SNED1: variants seen among roughly 807,000 people sequenced by gnomAD.
The protein encoded by SNED1 is sushi, nidogen and EGF like domains 1.
SNED1 carries 81 observed loss-of-function variants against 166.7 expected under a neutral mutation model. The ratio of observed to expected loss-of-function variants is 0.49; its 90% CI spans 0.41 to 0.58. SNED1 has a LOEUF of 0.58. Ranked by LOEUF, SNED1 falls within the 20% of genes least tolerant of loss-of-function variation. The probability of loss-of-function intolerance (pLI) is 0.00; values close to 1 mark genes in which losing one functional copy is unlikely to be tolerated. For synonymous variants in SNED1, 762 were observed against 822.0 expected (o/e 0.93, Z 1.25); for missense variants, 1,604 against 2,000.2 (o/e 0.80, Z 3.78).
intron 1 of SNED1, among the ~76,000 whole-genome samples, chr2:241,002,217 G>A (rs933927744): frequency 2.7e-4 from 41 of 152,204 alleles, no homozygotes; most frequent in Middle Eastern, 3.4e-3. Context: ...TTGTGTGGTC[G>A]CCAGCTCCAA....
At chr2:241,078,111 G>T (rs13427392) in intron 27 of SNED1, among the ~76,000 whole-genome samples, 1 of 152,108 alleles carries the variant, frequency 6.6e-6, no homozygotes, top group Non-Finnish European at 1.5e-5. Flanking sequence ...GTGGCCGGGC[G>T]CGGTGGCTCA....
chr2:241,037,478 A>G (rs2061410628), intron 6 of SNED1, 125 bp downstream of exon 6: 2 of 674,392 alleles, frequency 3.0e-6, no homozygotes, highest in Non-Finnish European at 5.1e-6. Context: ...GACAGCCCAG[A>G]GAAGCCACCC....
At chr2:241,039,047 G>A (rs542573490) in intron 6 of SNED1, among the ~76,000 whole-genome samples, 1 of 152,310 alleles carries the variant, frequency 6.6e-6, no homozygotes, top group South Asian at 2.1e-4. Flanking sequence ...CTCGGACCGT[G>A]AGCCTTCACT....
At chr2:241,021,151 C>T (rs1311927752) in intron 1 of SNED1, among the ~76,000 whole-genome samples, 4 of 152,144 alleles carry the variant, frequency 2.6e-5, no homozygotes, top group Non-Finnish European at 5.9e-5. Context: ...TAGAGAGTGT[C>T]GCAGAACTGC....
rs71404676 is a variant in SNED1, at chr2:241,026,009, C to CTTTTTTT, written c.214-4257_214-4251dup. Among the ~76,000 whole-genome samples the CTTTTTTT allele has an allele frequency of 3.2e-3, 232 of 73,590 alleles. 16 individuals carry two copies. The highest frequency in any genetic ancestry group is 5.2e-3 in the African/African-American group (100 of 19,266). 48.3% of individuals were successfully genotyped at this position (73,590 alleles called of 152,430 possible). A position where few individuals can be genotyped will look rare whatever the true frequency, so the allele number is the denominator to read the frequency against. ...TTGATGTGGCTTTGTTTTTCTTTTC[C>CTTTTTTT]TTTTTTTTTTTTTTTTTTTTTTTTG... On this transcript the variant is annotated intron_variant, in intron 1 of 31. Coordinates refer to ENST00000310397, the MANE Select transcript of SNED1 (RefSeq NM_001080437.3).
At chr2:241,060,375 G>A (rs1279384264) in intron 16 of SNED1, among the ~76,000 whole-genome samples, 1 of 152,066 alleles carries the variant, frequency 6.6e-6, no homozygotes, top group Non-Finnish European at 1.5e-5. Flanking sequence ...TAGAGACGGG[G>A]TTTCACCATG....
At chr2:241,065,080 C>A in intron 20 of SNED1, 123 bp downstream of exon 20, 3 of 853,468 alleles carry the variant, frequency 3.5e-6, no homozygotes, top group Non-Finnish European at 5.3e-6. Context: ...CCCTGAGGAA[C>A]AGGGAGGGGA....
intron 4 of SNED1, among the ~76,000 whole-genome samples, chr2:241,036,072 T>G (rs866168861): frequency 6.4e-3 from 101 of 15,828 alleles, no homozygotes; most frequent in Non-Finnish European, 9.6e-3. Flanking sequence ...GGGTGGGGGG[T>G]GGGGGGTGGA....
chr2:241,064,438 G>A lies in SNED1; in HGVS notation c.2599+313G>A, dbSNP rs1331855673. Among the ~76,000 whole-genome samples, 1 of 152,182 alleles carries A rather than the reference G, an allele frequency of 6.6e-6. No homozygotes were observed. Among genetic ancestry groups the A allele is most frequent in the Non-Finnish European group, 1.5e-5 (1 of 68,030 alleles). Reference sequence around the variant, plus strand: ...GCCCTGCTGCCCTTGGACAGGCCAAGTTTCTTGCACACCCAGGTCTGGCCC... The same window carrying A: ...GCCCTGCTGCCCTTGGACAGGCCAAATTTCTTGCACACCCAGGTCTGGCCC... On this transcript the variant is annotated intron_variant, in intron 19 of 31. Coordinates refer to ENST00000310397, the MANE Select transcript of SNED1 (RefSeq NM_001080437.3). This position sits in a 1 kb window ranked among gnomAD's most constrained non-coding sequence, Gnocchi z 7.0.
rs1339961846 is a variant in SNED1 at position 241,040,184 on chromosome 2, G to A, written c.1155G>A (p.Glu385=). ...CCGGATACACCGGAGCAGCCTGCGA[G>A]ATGGGTGAGTGGCCTGGCTTCGGAT... ...CQAGYTGAAC[E]MDVDDCSPDP... Residue 385 remains glutamate, a synonymous_variant, in exon 7 of 32, where the codon GAG becomes GAA. Transcript: ENST00000310397. 4 of 1,594,156 alleles carry A rather than the reference G, an allele frequency of 2.5e-6. No homozygotes were observed. The highest frequency in any genetic ancestry group is 3.4e-6 in the Non-Finnish European group (4 of 1,170,156).
At chr2:241,049,683 G>A in intron 11 of SNED1, 134 bp from the exon 12 acceptor site, 1 of 649,402 alleles carries the variant, frequency 1.5e-6, no homozygotes, top group Admixed American at 2.4e-5. Flanking sequence ...GATGCCCACA[G>A]AGTGTATTTT....
intron 8 of SNED1, 40 bp from the exon 9 acceptor site, chr2:241,048,275 T>C: frequency 6.4e-7 from 1 of 1,556,520 alleles, no homozygotes; most frequent in Non-Finnish European, 8.7e-7. Flanking sequence ...TCTCCCCACA[T>C]TCCCTGCGTG....
chr2:241,049,620 G>A (rs997436301), intron 11 of SNED1, among the ~76,000 whole-genome samples, 197 bp from the exon 12 acceptor site: 8 of 152,108 alleles, frequency 5.3e-5, no homozygotes, highest in Admixed American at 2.0e-4. Context: ...TGCTAAAATC[G>A]AGAAAAAGAG....
rs372698242 is a variant in SNED1 at position 241,062,888 on chromosome 2, C to T, written c.2355C>T (p.Gly785=). 394 of 1,603,388 alleles carry T rather than the reference C, an allele frequency of 2.5e-4. No individual in the cohort carries two copies. The highest frequency in any genetic ancestry group is 1.1e-3 in the East Asian group (47 of 44,618). Residue 785 remains glycine (G), a synonymous_variant, in exon 17 of 32, where the codon GGC becomes GGT. Transcript: ENST00000310397. The stretch of plus-strand genomic sequence containing the variant: ...GCCTCTGCAGCACAGGCTATGAGGG[C>T]GCCCACTGTGAGCTGGGTAAGAGGG... The part of the protein sequence containing the change: ...YLCLCSTGYE[G]AHCELERDEC...
chr2:241,018,223 G>A lies in SNED1; in HGVS notation c.214-12061G>A, dbSNP rs1418436435. On this transcript the variant is annotated intron_variant, in intron 1 of 31. Coordinates refer to ENST00000310397, the MANE Select transcript of SNED1 (RefSeq NM_001080437.3). The surrounding 1 kb of genome is among the most constrained non-coding windows in gnomAD (Gnocchi z 5.4). Reference sequence around the variant, plus strand: ...TGCAGCTTTGGTCACCATACACGACGTAACCCACAGGCGCTCAGATGACGG... The same window carrying A: ...TGCAGCTTTGGTCACCATACACGACATAACCCACAGGCGCTCAGATGACGG... 3.9e-5 allele frequency among the ~76,000 whole-genome samples: 6 copies of A among 152,312 alleles called. No homozygotes were observed. Among genetic ancestry groups the A allele is most frequent in the African/African-American group, 4.8e-5 (2 of 41,548 alleles).
Position 241,070,128 on chromosome 2 carries a change from C to T in SNED1, c.3516C>T (p.Leu1172=), listed in dbSNP as rs779021075. 1.2e-6 allele frequency: 2 copies of T among 1,612,356 alleles called. No homozygotes were observed. Among genetic ancestry groups the T allele is most frequent in the Non-Finnish European group, 1.7e-6 (2 of 1,179,794 alleles). ...RDLLPGRRYQ[L]SVIAVQSTEL... ...TGCTGCCGGGACGGCGGTACCAGCT[C>T]TCTGTGATAGCAGTGCAGAGCACGG... is the stretch of plus-strand genomic sequence containing the variant. The change falls in exon 24 of 32, where the codon CTC becomes CTT. Residue 1172 remains leucine (L), a synonymous_variant. Coordinates refer to ENST00000310397, the MANE Select transcript of SNED1 (RefSeq NM_001080437.3).
chr2:241,037,150 C>T (rs1030633081), intron 5 of SNED1, 90 bp from the exon 6 acceptor site: 2 of 1,200,656 alleles, frequency 1.7e-6, no homozygotes, highest in African/African-American at 3.0e-5. Flanking sequence ...GGGCTTGCTC[C>T]TCCTCCGTCC....
rs531955220 is a variant in SNED1 at position 241,017,130 on chromosome 2, C to T, written c.214-13154C>T. Among the ~76,000 whole-genome samples, 93 of 152,264 alleles carry T rather than the reference C, an allele frequency of 6.1e-4. 1 individual carries two copies. The Middle Eastern group carries it at 0.01, about 17-fold the overall frequency. ...CCTCCCAAAGTGCTGGGATTCCAGG[C>T]GTGAGCCACCACACCCAGCCAAGTT... On this transcript the variant is annotated intron_variant, in intron 1 of 31. Transcript: ENST00000310397.
At chr2:241,048,539 C>T (rs570873347) in intron 9 of SNED1, 99 bp downstream of exon 9, 41 of 1,489,690 alleles carry the variant, frequency 2.8e-5, no homozygotes, top group Non-Finnish European at 3.5e-5. Context: ...CGAAAAGAAA[C>T]GTGTGAGTGC....
Sources: allele counts gnomAD v4.1 joint callset (sites outside exome capture counted in the v4.1 genomes callset), GRCh38; gene constraint gnomAD v4.1.1; non-coding constraint Gnocchi (gnomAD v3.1); transcripts MANE v1.5; gene names NCBI Gene and HGNC (gene_info 2026-07-23, HGNC 2026-07-21).